Variants in SLC27A2 observed in about 807,000 individuals in gnomAD.
The protein encoded by SLC27A2 is solute carrier family 27 member 2.
Under a neutral mutation model 60.0 loss-of-function variants are expected in SLC27A2, and 54 were observed. The ratio of observed to expected loss-of-function variants is 0.90; its 90% CI spans 0.72 to 1.13. The LOEUF (loss-of-function observed/expected upper bound fraction) is 1.13. SLC27A2 is among the 50% of genes most tolerant of loss of function. The pLI, the probability that SLC27A2 is intolerant of heterozygous loss-of-function variation, is 0.00. For synonymous variants in SLC27A2, 297 were observed against 297.6 expected (o/e 1.00, Z 0.02); for missense variants, 739 against 777.6 (o/e 0.95, Z 0.59).
In SLC27A2 at chr15:50,202,598, A is replaced by G. The variant is rs955643509; in HGVS notation, c.800A>G (p.Tyr267Cys). The part of the protein sequence containing the change: ...DDVIYITLPF[Y>C]HSAALLIGIH... ...GTCATCTATATCACTCTGCCCTTTT[A>G]CCACAGTGCTGCACTACTGATTGGC... The change falls in exon 3 of 10, where the codon TAC (tyrosine) becomes TGC (cysteine). Residue 267 changes from tyrosine (Y) to cysteine (C), a missense_variant. Physicochemically the swap from Tyr to Cys is radical, Grantham distance 194 (BLOSUM62 -2). Coordinates refer to ENST00000267842, the MANE Select transcript of SLC27A2 (RefSeq NM_003645.4). 6.2e-7 allele frequency: 1 copy of G among 1,614,054 alleles called. No individual in the cohort carries two copies. Among genetic ancestry groups the G allele is most frequent in the Non-Finnish European group, 8.5e-7 (1 of 1,180,022 alleles).
intron 6 of SLC27A2, among the ~76,000 whole-genome samples, chr15:50,226,428 A>C (rs2045278949): frequency 6.6e-6 from 1 of 152,210 alleles, no homozygotes. Flanking sequence ...TTCAGTAAAA[A>C]ATTAGCAGTA....
intron 8 of SLC27A2, among the ~76,000 whole-genome samples, chr15:50,231,106 C>T (rs2045313608): frequency 1.3e-5 from 2 of 150,184 alleles, no homozygotes; most frequent in South Asian, 2.1e-4. Flanking sequence ...GATAGTACAA[C>T]ATTGTAAGTG....
rs189891500 is a variant in SLC27A2, at chr15:50,191,904, A to G, written c.479-5596A>G. Among the ~76,000 whole-genome samples, 911 of 152,208 alleles carry G rather than the reference A, an allele frequency of 6.0e-3. 11 individuals are homozygous for G. Among genetic ancestry groups the G allele is most frequent in the African/African-American group, 0.021 (888 of 41,536 alleles). On this transcript the variant is annotated intron_variant, in intron 1 of 9. Transcript: ENST00000267842. Reference sequence around the variant, plus strand: ...GTGAAACCCCATCTCTACTAAAAATACAAACATTAGCCGGGCATGGTGACA... The same window carrying G: ...GTGAAACCCCATCTCTACTAAAAATGCAAACATTAGCCGGGCATGGTGACA...
chr15:50,205,120 C>T, intron 3 of SLC27A2, 119 bp from the exon 4 acceptor site: 1 of 1,271,510 alleles, frequency 7.9e-7, no homozygotes, highest in South Asian at 1.6e-5. Flanking sequence ...GTACTCAATA[C>T]TTGTTTGCAA....
rs757969515 is a variant in SLC27A2, at chr15:50,202,499, C to T, written c.701C>T (p.Ala234Val). The T allele has an allele frequency of 1.2e-6, 2 of 1,614,186 alleles. No individual in the cohort carries two copies. Among genetic ancestry groups the T allele is most frequent in the African/African-American group, 2.7e-5 (2 of 75,056 alleles). Residue 234 changes from alanine (A) to valine (V), a missense_variant, in exon 3 of 10, where the codon GCA becomes GTA. Ala to Val is a moderately conservative substitution (Grantham distance 64, BLOSUM62 0). Coordinates refer to ENST00000267842, the MANE Select transcript of SLC27A2 (RefSeq NM_003645.4). ...YTSGTTGLPKAAMITHQRIWY... is the reference protein window; with the variant it reads ...YTSGTTGLPKVAMITHQRIWY... ...TATATTTACAAAGGTCTTCCAAAAG[C>T]AGCCATGATCACTCATCAGCGCATA...
At chr15:50,202,006 C>T (rs2045068319) in intron 2 of SLC27A2, among the ~76,000 whole-genome samples, 1 of 152,176 alleles carries the variant, frequency 6.6e-6, no homozygotes, top group South Asian at 2.1e-4. Flanking sequence ...CTGTTTATGT[C>T]ATATATAAAC....
At chr15:50,208,738 T>A (rs2045132534) in intron 4 of SLC27A2, among the ~76,000 whole-genome samples, 1 of 152,240 alleles carries the variant, frequency 6.6e-6, no homozygotes. Flanking sequence ...GCAAAGCTAC[T>A]GACTTAAGTG....
intron 7 of SLC27A2, 39 bp downstream of exon 7, chr15:50,227,217 C>A (rs753588979): frequency 2.0e-6 from 3 of 1,535,838 alleles, no homozygotes; most frequent in East Asian, 2.2e-5. Context: ...AACAAACACA[C>A]GCACAGTTTG....
chr15:50,196,425 A>G (rs1289656297), intron 1 of SLC27A2, among the ~76,000 whole-genome samples: 1 of 152,020 alleles, frequency 6.6e-6, no homozygotes, highest in African/African-American at 2.4e-5. Flanking sequence ...AAGCAATATT[A>G]AGAGTAGTGT....
chr15:50,228,060 G>A (rs1369960348), intron 7 of SLC27A2, among the ~76,000 whole-genome samples: 1 of 152,112 alleles, frequency 6.6e-6, no homozygotes, highest in African/African-American at 2.4e-5. Flanking sequence ...ATGTTATTAA[G>A]ATGATACTTC....
intron 2 of SLC27A2, among the ~76,000 whole-genome samples, chr15:50,202,237 A>G (rs2045070142): frequency 6.6e-6 from 1 of 152,218 alleles, no homozygotes; most frequent in South Asian, 2.1e-4. Flanking sequence ...ATGTATGTGT[A>G]TGGCTGCTTT....
chr15:50,201,447 G>C (rs1477956840), intron 2 of SLC27A2, among the ~76,000 whole-genome samples: 1 of 152,006 alleles, frequency 6.6e-6, no homozygotes, highest in East Asian at 1.9e-4. Flanking sequence ...AGCTGAGAAA[G>C]AGAATAAATA....
intron 5 of SLC27A2, among the ~76,000 whole-genome samples, chr15:50,225,036 C>T (rs1243214708): frequency 1.3e-5 from 2 of 151,966 alleles, no homozygotes; most frequent in Non-Finnish European, 2.9e-5. Context: ...TGATCCCATG[C>T]AATTGATGTA....
Position 50,236,035 on chromosome 15 carries a change from T to G in SLC27A2, c.1802T>G (p.Met601Arg). 6.2e-7 allele frequency: 1 copy of G among 1,614,160 alleles called. No homozygotes were observed. Among genetic ancestry groups the G allele is most frequent in the Middle Eastern group, 1.6e-4 (1 of 6,062 alleles). The change falls in exon 10 of 10, where the codon ATG becomes AGG. Residue 601 changes from methionine to arginine, a missense_variant. Met to Arg is a moderately conservative substitution (Grantham distance 91). Transcript: ENST00000267842. ...ALYFLDDTAK[M>R]YVPMTEDIYN... ...TATTTCTTGGATGACACAGCAAAAA[T>G]GTATGTGCCTATGACTGAGGACATC...
At chr15:50,230,922 A>G (rs2045312620) in intron 8 of SLC27A2, among the ~76,000 whole-genome samples, 1 of 152,190 alleles carries the variant, frequency 6.6e-6, no homozygotes, top group Non-Finnish European at 1.5e-5. Flanking sequence ...TGTCAGCATC[A>G]CCCAGGAGTC....
intron 4 of SLC27A2, among the ~76,000 whole-genome samples, chr15:50,208,719 G>T (rs948201796): frequency 6.6e-6 from 1 of 152,200 alleles, no homozygotes; most frequent in Admixed American, 6.5e-5. Flanking sequence ...TTGAGTAGGG[G>T]ATGGGATAGC....
At chr15:50,192,727 G>A (rs2044983730) in intron 1 of SLC27A2, among the ~76,000 whole-genome samples, 1 of 137,518 alleles carries the variant, frequency 7.3e-6, no homozygotes. Context: ...CTTTGTGTGT[G>A]TATTTTTTTG....
At chr15:50,209,493 A>G (rs921469375) in intron 4 of SLC27A2, among the ~76,000 whole-genome samples, 1 of 152,094 alleles carries the variant, frequency 6.6e-6, no homozygotes, top group Non-Finnish European at 1.5e-5. Context: ...GTGAGCAGTG[A>G]GATGAAGGAC....
chr15:50,213,146 G>A (rs1406907253), intron 4 of SLC27A2, among the ~76,000 whole-genome samples: 8 of 152,136 alleles, frequency 5.3e-5, no homozygotes, highest in Non-Finnish European at 7.4e-5. Flanking sequence ...AGTGAGCAGA[G>A]GTAGCTATTC....
Sources: gnomAD v4.1 joint callset for allele counts (sites outside exome capture counted in the v4.1 genomes callset) on GRCh38, gnomAD v4.1.1 for gene constraint, MANE v1.5 for transcripts, NCBI Gene and HGNC (gene_info 2026-07-23, HGNC 2026-07-21) for gene names.